SLC5A6: variants seen among roughly 807,000 people sequenced by gnomAD.
The protein encoded by SLC5A6 is sodium-dependent multivitamin transporter.
In SLC5A6, 31 loss-of-function variants were observed where a neutral mutation model predicts 67.9. The observed-to-expected ratio is 0.46, with a 90% CI of 0.34 to 0.62. The LOEUF (loss-of-function observed/expected upper bound fraction) is 0.62, where lower values mean the gene tolerates loss of function less well. Ranked by LOEUF, SLC5A6 falls within the 20% of genes least tolerant of loss-of-function variation. SLC5A6 has a pLI of 0.01. For synonymous variants in SLC5A6, 343 were observed against 331.0 expected, an observed-to-expected ratio of 1.04 and a Z score of -0.39; for missense variants, 673 against 812.8, an observed-to-expected ratio of 0.83 and a Z score of 2.09.
In SLC5A6 at chr2:27,204,440, AACAG is replaced by A. The variant is rs992381480; in HGVS notation, c.1005+17_1005+20del. 1.2e-6 allele frequency: 2 copies of A among 1,604,904 alleles called. No homozygotes were observed. Among genetic ancestry groups the A allele is most frequent in the Admixed American group, 3.4e-5 (2 of 59,430 alleles). On this transcript the variant is annotated intron_variant, in intron 9 of 16. Transcript: ENST00000310574. ...GTGGGGCCAGGCCTGCCCTCATGGGAACAGAACAGCGCCTTCTCACCTGGTCTGG... is the reference window on the plus strand; with the variant it reads ...GTGGGGCCAGGCCTGCCCTCATGGGAAACAGCGCCTTCTCACCTGGTCTGG...
chr2:27,200,871 T>C (rs761331091), intron 16 of SLC5A6, 127 bp downstream of exon 16: 7 of 669,778 alleles, frequency 1.0e-5, no homozygotes, highest in Non-Finnish European at 1.6e-5. Flanking sequence ...TGGGACAGCC[T>C]AGGCTTAGCT....
In SLC5A6 at chr2:27,206,083, A is replaced by G; in HGVS notation, c.522T>C (p.Phe174=). 6.2e-7 allele frequency: 1 copy of G among 1,614,184 alleles called. No individual in the cohort carries two copies. Among genetic ancestry groups the G allele is most frequent in the South Asian group, 1.1e-5 (1 of 91,084 alleles). Residue 174 remains phenylalanine, a synonymous_variant, in exon 6 of 17, where the codon TTT becomes TTC. Coordinates refer to ENST00000310574, the MANE Select transcript of SLC5A6 (RefSeq NM_021095.4). Reference sequence around the variant, plus strand: ...GGGCCAGCACGGACAGCCACAGATCAAAGCCAGTCACTGTAAGCATAGAAG... The same window carrying G: ...GGGCCAGCACGGACAGCCACAGATCGAAGCCAGTCACTGTAAGCATAGAAG... ...PSLALNAVTG[F]DLWLSVLALG... is the part of the protein sequence containing the mutation.
chr2:27,207,636 C>A lies in SLC5A6; in HGVS notation c.15G>T (p.Val5=). Residue 5 remains valine (V), a synonymous_variant, in exon 3 of 17, where the codon GTG becomes GTT. Transcript: ENST00000310574. The surrounding 1 kb of genome is among the most constrained non-coding windows in gnomAD (Gnocchi z 5.5). ...TTGGGGAAAGAGGGGCTGAGGTGCT[C>A]ACCCCTACACTCATATCCTCACTGT... is the stretch of plus-strand genomic sequence containing the variant. The part of the protein sequence containing the change: MSVG[V]STSAPLSPTS... 1 of 1,612,986 alleles carries A rather than the reference C, an allele frequency of 6.2e-7. No individual in the cohort carries two copies. The highest frequency in any genetic ancestry group is 1.1e-5 in the South Asian group (1 of 90,942).
In SLC5A6 at chr2:27,204,771, C is replaced by T. The variant is rs777285877; in HGVS notation, c.875+20G>A. 1.9e-6 allele frequency: 3 copies of T among 1,613,992 alleles called. No individual in the cohort carries two copies. The highest frequency in any genetic ancestry group is 2.2e-5 in the South Asian group (2 of 91,072). On this transcript the variant is annotated intron_variant, in intron 8 of 16. Transcript: ENST00000310574. ...CTTCCCCTAGACCTTGCTCCACTCCCTTCCTGTCCCTGCACTCACAGCACA... is the reference window on the plus strand; with the variant it reads ...CTTCCCCTAGACCTTGCTCCACTCCTTTCCTGTCCCTGCACTCACAGCACA...
At chr2:27,200,901 G>A (rs569481524) in intron 16 of SLC5A6, 97 bp downstream of exon 16, 2 of 783,146 alleles carry the variant, frequency 2.6e-6, no homozygotes, top group Non-Finnish European at 4.2e-6. Context: ...AGAGGCACCC[G>A]GGGCAGGGGG....
In SLC5A6 at chr2:27,207,833, T is replaced by C. The variant is rs368095335; in HGVS notation, c.-140-43A>G. 1 of 618,600 alleles carries C rather than the reference T, an allele frequency of 1.6e-6. No individual in the cohort carries two copies. 38.3% of individuals were successfully genotyped at this position (618,600 alleles called of 1,614,324 possible). On this transcript the variant is annotated intron_variant, in intron 2 of 16. Transcript: ENST00000310574. The surrounding 1 kb of genome is among the most constrained non-coding windows in gnomAD (Gnocchi z 5.5). ...CTTAGTGAGGCCTATCTGGCCTTGGTAGCCATTCACCCTTGGGCCTTGTAC... is the reference window on the plus strand; with the variant it reads ...CTTAGTGAGGCCTATCTGGCCTTGGCAGCCATTCACCCTTGGGCCTTGTAC...
Position 27,206,927 on chromosome 2 carries a change from A to G in SLC5A6, c.409T>C (p.Phe137Leu). 1 of 1,613,738 alleles carries G rather than the reference A, an allele frequency of 6.2e-7. No individual in the cohort carries two copies. The highest frequency in any genetic ancestry group is 8.5e-7 in the Non-Finnish European group (1 of 1,179,638). Residue 137 changes from phenylalanine (F) to leucine (L), a missense_variant, in exon 4 of 17, where the codon TTC becomes CTC. Coordinates refer to ENST00000310574, the MANE Select transcript of SLC5A6 (RefSeq NM_021095.4). ...TSAYEYLELRFNKTVRVCGTV... is the reference protein window; with the variant it reads ...TSAYEYLELRLNKTVRVCGTV... The stretch of plus-strand genomic sequence containing the variant: ...CCACACACTCGCACAGTTTTATTGA[A>G]TCGAAGCTCCAGGTACTGGGTATAC...
At position 27,212,191 on chromosome 2, in the gene SLC5A6, AG is replaced by A; in HGVS notation, c.-380del. On this transcript the variant is annotated 5_prime_UTR_variant, in exon 1 of 17. The change creates a premature stop within an existing upstream ORF in the 5' untranslated region. Transcript: ENST00000310574. Reference sequence around the variant, plus strand: ...GGGGGTCGGCCAGTATCCCCGAAAGAGGGCTAGGGCGCATGAAGACCAGCGC... The same window carrying A: ...GGGGGTCGGCCAGTATCCCCGAAAGAGGCTAGGGCGCATGAAGACCAGCGC... The A allele has an allele frequency of 1.3e-6, 2 of 1,543,796 alleles. No homozygotes were observed. Among genetic ancestry groups the A allele is most frequent in the Middle Eastern group, 3.6e-4 (2 of 5,496 alleles).
chr2:27,203,814 C>A lies in SLC5A6; in HGVS notation c.1059G>T (p.Gly353=). 5 of 1,614,060 alleles carry A rather than the reference C, an allele frequency of 3.1e-6. No individual in the cohort carries two copies. The highest frequency in any genetic ancestry group is 4.2e-6 in the Non-Finnish European group (5 of 1,179,952). The change falls in exon 10 of 17, where the codon GGG becomes GGT. Residue 353 remains glycine, a synonymous_variant. Transcript: ENST00000310574. ...DLLKGLPGLP[G]LFIACLFSGS... ...CGCTGAAGAGGCAGGCAATGAAGAG[C>A]CCTGGCAGGCCTGGCAGGCCCTTCA...
intron 16 of SLC5A6, 46 bp downstream of exon 16, chr2:27,200,952 T>A: frequency 8.1e-7 from 1 of 1,229,740 alleles, no homozygotes; most frequent in Non-Finnish European, 1.2e-6. Context: ...GTCAGTGGCA[T>A]CTGTGGAGAA....
Position 27,207,785 on chromosome 2 carries a change from G to C in SLC5A6, c.-135C>G. On this transcript the variant is annotated 5_prime_UTR_variant, in exon 3 of 17. Coordinates refer to ENST00000310574, the MANE Select transcript of SLC5A6 (RefSeq NM_021095.4). This position sits in a 1 kb window ranked among gnomAD's most constrained non-coding sequence, Gnocchi z 5.5. Reference sequence around the variant, plus strand: ...TCCTCCACGGAGTGATACTGTCCAGGGTGAGCTGCAAAGGAATTAGCTCTT... The same window carrying C: ...TCCTCCACGGAGTGATACTGTCCAGCGTGAGCTGCAAAGGAATTAGCTCTT... 1.2e-6 allele frequency: 1 copy of C among 810,136 alleles called. No individual in the cohort carries two copies. Among genetic ancestry groups the C allele is most frequent in the East Asian group, 2.6e-5 (1 of 37,772 alleles). 50.2% of individuals were successfully genotyped at this position (810,136 alleles called of 1,614,324 possible).
chr2:27,209,862 GGATCACATGTTC>G, intron 2 of SLC5A6, among the ~76,000 whole-genome samples: 1 of 152,250 alleles, frequency 6.6e-6, no homozygotes, highest in African/African-American at 2.4e-5. Context: ...GGCAACTCTT[GGATCACATGTTC>G]TACAAGATTC....
In SLC5A6 at chr2:27,207,928, G is replaced by T. The variant is rs189703125; in HGVS notation, c.-140-138C>A. 269 of 490,124 alleles carry T rather than the reference G, an allele frequency of 5.5e-4. No individual in the cohort carries two copies. The highest frequency in any genetic ancestry group is 4.6e-3 in the African/African-American group (241 of 52,590). The allele number at this position is 490,124 out of a possible 1,614,324, so 30.4% of individuals were successfully genotyped here. A position where few individuals can be genotyped will look rare whatever the true frequency, so the allele number is the denominator to read the frequency against. On this transcript the variant is annotated intron_variant, in intron 2 of 16. Coordinates refer to ENST00000310574, the MANE Select transcript of SLC5A6 (RefSeq NM_021095.4). This position sits in a 1 kb window ranked among gnomAD's most constrained non-coding sequence, Gnocchi z 5.5. ...TTCAAGGTCTAGAGGCCCTGGTATG[G>T]GTTTGGTAGGGGACATAAGTGAGGG...
At chr2:27,212,546 TCTC>T (rs947099019), upstream of SLC5A6, 157 of 1,497,440 alleles carry the variant, frequency 1.0e-4, no homozygotes, top group African/African-American at 9.5e-4. Context: ...GGCTCCCCCT[TCTC>T]CTCGGCGGGC....
At chr2:27,209,100 A>G (rs969316552) in intron 2 of SLC5A6, among the ~76,000 whole-genome samples, 1 of 152,196 alleles carries the variant, frequency 6.6e-6, no homozygotes, top group African/African-American at 2.4e-5. Context: ...ACCACTGACG[A>G]TTTCACAGAT....
intron 2 of SLC5A6, among the ~76,000 whole-genome samples, chr2:27,210,094 T>C (rs532000869): frequency 6.6e-6 from 1 of 152,064 alleles, no homozygotes; most frequent in Non-Finnish European, 1.5e-5. Context: ...TTTAGAGAGG[T>C]AGGTGGCCAG....
intron 1 of SLC5A6, chr2:27,211,813 C>A: frequency 5.0e-6 from 1 of 201,492 alleles, no homozygotes; most frequent in Non-Finnish European, 9.8e-6. Context: ...CGGCTCGCTC[C>A]GCCCCTCCCC....
chr2:27,203,715 C>T lies in SLC5A6; in HGVS notation c.1094+64G>A, dbSNP rs903750993. On this transcript the variant is annotated intron_variant, in intron 10 of 16. Coordinates refer to ENST00000310574, the MANE Select transcript of SLC5A6 (RefSeq NM_021095.4). ...CCACCCACTATCACCCCGCTCCACC[C>T]ATCACCTTGTACCAAATAGGGGTCA... 9.1e-6 allele frequency: 11 copies of T among 1,212,248 alleles called. No individual in the cohort carries two copies. The African/African-American group carries it at 1.0e-4, about 11-fold the overall frequency. The allele number at this position is 1,212,248 out of a possible 1,614,324, so 75.1% of individuals were successfully genotyped here.
rs1673523706 is a variant in SLC5A6, at chr2:27,200,369, G to C, written c.*67C>G. On this transcript the variant is annotated 3_prime_UTR_variant, in exon 17 of 17. Coordinates refer to ENST00000310574, the MANE Select transcript of SLC5A6 (RefSeq NM_021095.4). Reference sequence around the variant, plus strand: ...GCAGAACACACCAAGACTCATCCCTGTACTACAGGGTGGCCTCTGGCTATG... The same window carrying C: ...GCAGAACACACCAAGACTCATCCCTCTACTACAGGGTGGCCTCTGGCTATG... The C allele has an allele frequency of 1.3e-6, 2 of 1,510,162 alleles. No homozygotes were observed. Among genetic ancestry groups the C allele is most frequent in the Admixed American group, 1.9e-5 (1 of 52,034 alleles). The allele number at this position is 1,510,162 out of a possible 1,614,324, so 93.5% of individuals were successfully genotyped here.
Sources: allele counts gnomAD v4.1 joint callset (sites outside exome capture counted in the v4.1 genomes callset), GRCh38; gene constraint gnomAD v4.1.1; non-coding constraint Gnocchi (gnomAD v3.1); transcripts MANE v1.5; gene names NCBI Gene and HGNC (gene_info 2026-07-23, HGNC 2026-07-21).